Variants in DACH1 observed in about 807,000 individuals in gnomAD.
The protein encoded by DACH1 is dachshund homolog 1.
Under a neutral mutation model 54.2 loss-of-function variants are expected in DACH1, and 12 were observed. The observed-to-expected ratio is 0.22, with a 90% CI of 0.14 to 0.36. The LOEUF is 0.36. Among genes scored for constraint, DACH1 ranks in the 10% least tolerant of loss-of-function variants. The probability of loss-of-function intolerance (pLI) is 1.00; values close to 1 mark genes in which losing one functional copy is unlikely to be tolerated. For missense variants in DACH1, 805 were observed against 929.8 expected (o/e 0.87, Z 1.75); for synonymous variants, 386 against 366.2 (o/e 1.05, Z -0.62).
In DACH1 at chr13:71,564,444, T is replaced by C. The variant is rs554422785; in HGVS notation, c.1300-4489A>G. 4.4e-5 allele frequency among the ~76,000 whole-genome samples: 6 copies of C among 137,184 alleles called. No homozygotes were observed. In the East Asian group the frequency reaches 8.3e-4, roughly 19 times the overall value. The allele number at this position is 137,184 out of a possible 152,430, so 90.0% of individuals were successfully genotyped here. A position where few individuals can be genotyped will look rare whatever the true frequency, so the allele number is the denominator to read the frequency against. ...TTATAAAACTCGCCACAATAATAAATGAAAATTTAAGAGGAGCACTCTTTC... is the reference window on the plus strand; with the variant it reads ...TTATAAAACTCGCCACAATAATAAACGAAAATTTAAGAGGAGCACTCTTTC... On this transcript the variant is annotated intron_variant, in intron 4 of 10. Coordinates refer to ENST00000613252, the MANE Select transcript of DACH1 (RefSeq NM_080759.6).
chr13:71,615,131 A>G (rs1405863858), intron 3 of DACH1, among the ~76,000 whole-genome samples: 2 of 152,122 alleles, frequency 1.3e-5, no homozygotes, highest in East Asian at 3.9e-4. Context: ...AACTTAAACT[A>G]TAAAAGCTTA....
At chr13:71,654,400 A>C (rs1375088166) in intron 2 of DACH1, among the ~76,000 whole-genome samples, 1 of 82,816 alleles carries the variant, frequency 1.2e-5, no homozygotes, top group African/African-American at 5.7e-5. Context: ...AAAATAAAAT[A>C]AAATAAAATA....
chr13:71,673,609 G>A (rs760047822), intron 2 of DACH1, among the ~76,000 whole-genome samples: 25 of 151,992 alleles, frequency 1.6e-4, no homozygotes, highest in Admixed American at 3.9e-4. Context: ...GGTGCCTGTT[G>A]GGGGGTGTGG....
chr13:71,518,356 C>T (rs929705428), intron 6 of DACH1, among the ~76,000 whole-genome samples: 2 of 151,568 alleles, frequency 1.3e-5, no homozygotes, highest in African/African-American at 2.4e-5. Context: ...ACTACCCAAA[C>T]CTTGATTTTG....
chr13:71,455,292 A>AGAT (rs1875458907), intron 10 of DACH1, among the ~76,000 whole-genome samples: 1 of 152,112 alleles, frequency 6.6e-6, no homozygotes, highest in African/African-American at 2.4e-5. Context: ...CCATATATAG[A>AGAT]GATAGATAGA....
At chr13:71,456,741 T>C (rs1378174171) in intron 10 of DACH1, among the ~76,000 whole-genome samples, 2 of 152,070 alleles carry the variant, frequency 1.3e-5, no homozygotes, top group African/African-American at 2.4e-5. Flanking sequence ...TGCATGGCTT[T>C]AAGAATATTA....
intron 8 of DACH1, among the ~76,000 whole-genome samples, chr13:71,477,307 G>A (rs1435261138): frequency 6.6e-6 from 1 of 150,816 alleles, no homozygotes; most frequent in African/African-American, 2.4e-5. Context: ...TTTTTTAGTA[G>A]AGGCGCGGTT....
At chr13:71,665,034 G>T (rs763737064) in intron 2 of DACH1, among the ~76,000 whole-genome samples, 1 of 151,940 alleles carries the variant, frequency 6.6e-6, no homozygotes, top group Non-Finnish European at 1.5e-5. Flanking sequence ...GACTATAAGA[G>T]TGAGTTATTA....
chr13:71,799,183 T>C (rs76769937), intron 1 of DACH1, among the ~76,000 whole-genome samples: 5,659 of 152,240 alleles, frequency 0.037, 343 homozygotes, highest in African/African-American at 0.13. Flanking sequence ...AGTGTTTATT[T>C]GTACATTCAT....
intron 6 of DACH1, among the ~76,000 whole-genome samples, chr13:71,513,131 T>C (rs1002133606): frequency 2.6e-5 from 4 of 151,942 alleles, no homozygotes; most frequent in African/African-American, 9.7e-5. Flanking sequence ...TTAGACTCAT[T>C]TGTTATTAGC....
chr13:71,445,191 G>C (rs917839501), intron 10 of DACH1, among the ~76,000 whole-genome samples: 3 of 152,014 alleles, frequency 2.0e-5, no homozygotes, highest in African/African-American at 7.2e-5. Flanking sequence ...TTAAACTTTT[G>C]AAGAAAGAAA....
intron 1 of DACH1, among the ~76,000 whole-genome samples, chr13:71,684,949 C>T (rs753848149): frequency 8.5e-5 from 13 of 152,060 alleles, no homozygotes; most frequent in Middle Eastern, 3.4e-3. Context: ...TTCTCAAGCC[C>T]AGAGAAAATA....
intron 1 of DACH1, among the ~76,000 whole-genome samples, chr13:71,684,778 T>A (rs1439399445): frequency 6.6e-6 from 1 of 151,998 alleles, no homozygotes; most frequent in Admixed American, 6.6e-5. Context: ...TGTAGTAAAA[T>A]AATAAAAATA....
At chr13:71,516,342 A>AT (rs965667027) in intron 6 of DACH1, among the ~76,000 whole-genome samples, 20 of 149,900 alleles carry the variant, frequency 1.3e-4, no homozygotes, top group Admixed American at 3.3e-4. Context: ...CTTTCCTTTT[A>AT]TTTTTTTTTC....
At chr13:71,817,633 T>A (rs1888010643) in intron 1 of DACH1, among the ~76,000 whole-genome samples, 1 of 152,132 alleles carries the variant, frequency 6.6e-6, no homozygotes, top group Non-Finnish European at 1.5e-5. Context: ...CTTCAAAGAT[T>A]TCCTATGGAA....
intron 6 of DACH1, among the ~76,000 whole-genome samples, chr13:71,501,907 A>T (rs181704810): frequency 2.5e-3 from 382 of 152,226 alleles, no homozygotes; most frequent in African/African-American, 8.9e-3. Flanking sequence ...TATTTTACAC[A>T]TTAATATGTA....
chr13:71,768,374 G>A (rs1885722577), intron 1 of DACH1, among the ~76,000 whole-genome samples: 1 of 151,920 alleles, frequency 6.6e-6, no homozygotes, highest in African/African-American at 2.4e-5. Flanking sequence ...GGTTTAGGAT[G>A]TGCCAAGATG....
At position 71,438,649 on chromosome 13, in the gene DACH1, A is replaced by C. The variant is rs1451118619; in HGVS notation, c.*2006T>G. ...GCAGAGCAATGGCTGATTCTACTACATATGTAAGTTGTAGGCTTTTTTAAA... is the reference window on the plus strand; with the variant it reads ...GCAGAGCAATGGCTGATTCTACTACCTATGTAAGTTGTAGGCTTTTTTAAA... On this transcript the variant is annotated 3_prime_UTR_variant, in exon 11 of 11. Coordinates refer to ENST00000613252, the MANE Select transcript of DACH1 (RefSeq NM_080759.6). The C allele has an allele frequency of 6.6e-6, 1 of 152,454 alleles. No homozygotes were observed. The highest frequency in any genetic ancestry group is 6.6e-5 in the Admixed American group (1 of 15,238). The allele number at this position is 152,454 out of a possible 1,614,324, so 9.4% of individuals were successfully genotyped here. A position where few individuals can be genotyped will look rare whatever the true frequency, so the allele number is the denominator to read the frequency against.
At chr13:71,696,767 G>A (rs1449777202) in intron 1 of DACH1, among the ~76,000 whole-genome samples, 1 of 152,028 alleles carries the variant, frequency 6.6e-6, no homozygotes, top group Non-Finnish European at 1.5e-5. Flanking sequence ...GGCTGATCTC[G>A]AACTCCTAAC....
Sources: allele counts gnomAD v4.1 joint callset (sites outside exome capture counted in the v4.1 genomes callset), GRCh38; gene constraint gnomAD v4.1.1; transcripts MANE v1.5; gene names NCBI Gene and HGNC (gene_info 2026-07-23, HGNC 2026-07-21).